TNFRSF10B: variants seen among roughly 807,000 people sequenced by gnomAD.
TNFRSF10B encodes tumor necrosis factor receptor superfamily member 10B.
TNFRSF10B carries 35 observed loss-of-function variants against 41.4 expected under a neutral mutation model. The observed-to-expected ratio is 0.85, with a 90% CI of 0.65 to 1.12. TNFRSF10B has a LOEUF of 1.12. Among genes scored for constraint, TNFRSF10B ranks in the 50% most tolerant of loss-of-function variants. TNFRSF10B has a pLI of 0.00. For synonymous variants in TNFRSF10B, 230 were observed against 215.5 expected (o/e 1.07, Z -0.59); for missense variants, 584 against 552.7 (o/e 1.06, Z -0.57).
rs1372091611 is a variant in TNFRSF10B at position 23,022,114 on chromosome 8, G to T, written c.*557C>A. The T allele has an allele frequency of 2.4e-6, 1 of 423,762 alleles. No homozygotes were observed. Among genetic ancestry groups the T allele is most frequent in the Non-Finnish European group, 4.7e-6 (1 of 214,800 alleles). The allele number at this position is 423,762 out of a possible 1,614,324, so 26.3% of individuals were successfully genotyped here. A position where few individuals can be genotyped will look rare whatever the true frequency, so the allele number is the denominator to read the frequency against. On this transcript the variant is annotated 3_prime_UTR_variant, in exon 9 of 9. Coordinates refer to ENST00000276431, the MANE Select transcript of TNFRSF10B (RefSeq NM_003842.5). ...TATCTAGACAAAATACAAAAAATTA[G>T]CCGGGCGTGGTGGTGCACACCTGTG... is the stretch of plus-strand genomic sequence containing the variant.
At chr8:23,068,584 C>T (rs1049810955) in intron 1 of TNFRSF10B, among the ~76,000 whole-genome samples, 167 bp downstream of exon 1, 2 of 152,132 alleles carry the variant, frequency 1.3e-5, no homozygotes, top group African/African-American at 4.8e-5. Flanking sequence ...CTGCCCAACC[C>T]GGGGACCCAT....
intron 2 of TNFRSF10B, among the ~76,000 whole-genome samples, chr8:23,041,160 G>T (rs892325487): frequency 6.6e-6 from 1 of 151,678 alleles, no homozygotes; most frequent in Admixed American, 6.6e-5. Context: ...CCGGGTTCAA[G>T]CGATTCTCCT....
Position 23,022,856 on chromosome 8 carries a change from C to T in TNFRSF10B, c.1138G>A (p.Asp380Asn). The change falls in exon 9 of 9, where the codon GAC becomes AAC. Residue 380 changes from aspartate (D) to asparagine (N), a missense_variant. Transcript: ENST00000276431. ...VAKAEAAGHRDTLYTMLIKWV... is the reference protein window; with the variant it reads ...VAKAEAAGHRNTLYTMLIKWV... ...TTTATCAGCATCGTGTACAAGGTGTCCCTGTGGCCCGCTGCCTCAGCTTTA... is the reference window on the plus strand; with the variant it reads ...TTTATCAGCATCGTGTACAAGGTGTTCCTGTGGCCCGCTGCCTCAGCTTTA... 1 of 1,614,088 alleles carries T rather than the reference C, an allele frequency of 6.2e-7. No individual in the cohort carries two copies. Among genetic ancestry groups the T allele is most frequent in the Non-Finnish European group, 8.5e-7 (1 of 1,180,018 alleles).
chr8:23,021,017 G>T lies in TNFRSF10B; in HGVS notation c.*1654C>A, dbSNP rs1811501678. 2.2e-6 allele frequency: 1 copy of T among 454,074 alleles called. No homozygotes were observed. Among genetic ancestry groups the T allele is most frequent in the East Asian group, 7.0e-5 (1 of 14,382 alleles). 28.1% of individuals were successfully genotyped at this position (454,074 alleles called of 1,614,324 possible). The stretch of plus-strand genomic sequence containing the variant: ...AACAGTCTGAATGTGTGATCTTCAG[G>T]CAATTCTAACTTTGTCCCACCCAAA... On this transcript the variant is annotated 3_prime_UTR_variant, in exon 9 of 9. Coordinates refer to ENST00000276431, the MANE Select transcript of TNFRSF10B (RefSeq NM_003842.5).
intron 1 of TNFRSF10B, among the ~76,000 whole-genome samples, chr8:23,059,669 G>T (rs1316943445): frequency 2.4e-5 from 3 of 124,256 alleles, no homozygotes; most frequent in Non-Finnish European, 4.9e-5. Flanking sequence ...ACCACGCCGG[G>T]CTAATTTTTT....
intron 2 of TNFRSF10B, among the ~76,000 whole-genome samples, chr8:23,040,773 A>T (rs1237039285): frequency 6.6e-6 from 1 of 152,042 alleles, no homozygotes; most frequent in African/African-American, 2.4e-5. Flanking sequence ...TAGCCACAAG[A>T]TTCCTGAATT....
At chr8:23,061,480 CT>C (rs1812829363) in intron 1 of TNFRSF10B, among the ~76,000 whole-genome samples, 1 of 152,142 alleles carries the variant, frequency 6.6e-6, no homozygotes, top group Non-Finnish European at 1.5e-5. Flanking sequence ...ATCATATCAT[CT>C]GAAAACACAG....
chr8:23,058,825 G>C (rs1239666582), intron 1 of TNFRSF10B, among the ~76,000 whole-genome samples: 3 of 152,048 alleles, frequency 2.0e-5, no homozygotes, highest in African/African-American at 7.2e-5. Flanking sequence ...TCCATTTTAT[G>C]TGTAATTGTT....
chr8:23,022,746 C>T lies in TNFRSF10B; in HGVS notation c.1248G>A (p.Gln416=). 6 of 1,614,072 alleles carry T rather than the reference C, an allele frequency of 3.7e-6. No individual in the cohort carries two copies. The highest frequency in any genetic ancestry group is 5.1e-6 in the Non-Finnish European group (6 of 1,180,010). The change falls in exon 9 of 9, where the codon CAG becomes CAA. Residue 416 remains glutamine, a synonymous_variant. Coordinates refer to ENST00000276431, the MANE Select transcript of TNFRSF10B (RefSeq NM_003842.5). ...LETLGERLAK[Q]KIEDHLLSSG... ...AGCTCAACAAGTGGTCCTCAATCTT[C>T]TGCTTGGCAAGTCTCTCTCCCAGCG...
At chr8:23,052,259 A>G (rs922087128) in intron 1 of TNFRSF10B, among the ~76,000 whole-genome samples, 2 of 151,534 alleles carry the variant, frequency 1.3e-5, no homozygotes, top group Admixed American at 1.3e-4. Flanking sequence ...ATTCTTTCTA[A>G]AGATTGTGTC....
At chr8:23,057,510 G>A (rs1812707961) in intron 1 of TNFRSF10B, among the ~76,000 whole-genome samples, 1 of 146,076 alleles carries the variant, frequency 6.8e-6, no homozygotes, top group African/African-American at 2.6e-5. Flanking sequence ...TCGGCTCACT[G>A]CAACCTCCGC....
At chr8:23,050,458 A>G (rs1216726710) in intron 1 of TNFRSF10B, among the ~76,000 whole-genome samples, 1 of 151,956 alleles carries the variant, frequency 6.6e-6, no homozygotes, top group African/African-American at 2.4e-5. Flanking sequence ...GTATGTGCAT[A>G]TGTGTGTGTG....
intron 1 of TNFRSF10B, among the ~76,000 whole-genome samples, chr8:23,062,549 T>C (rs1812862228): frequency 6.6e-6 from 1 of 152,230 alleles, no homozygotes; most frequent in Non-Finnish European, 1.5e-5. Context: ...GTTTTATTTA[T>C]TTCTCTTCTA....
chr8:23,033,114 A>G (rs1185537223), intron 2 of TNFRSF10B, among the ~76,000 whole-genome samples: 1 of 152,230 alleles, frequency 6.6e-6, no homozygotes, highest in Non-Finnish European at 1.5e-5. Flanking sequence ...GCAACCAAGA[A>G]TTTGATATCC....
chr8:23,026,900 AG>A (rs1811719575), intron 7 of TNFRSF10B, among the ~76,000 whole-genome samples: 1 of 152,100 alleles, frequency 6.6e-6, no homozygotes, highest in Admixed American at 6.6e-5. Context: ...ATGCCTGTGG[AG>A]CTCCAGGCTC....
intron 1 of TNFRSF10B, among the ~76,000 whole-genome samples, chr8:23,066,690 G>A (rs1380587547): frequency 3.9e-5 from 6 of 152,036 alleles, no homozygotes; most frequent in Admixed American, 6.5e-5. Context: ...GGCAGATCAC[G>A]AGCCAGACCA....
intron 5 of TNFRSF10B, 38 bp downstream of exon 5, chr8:23,028,291 CAG>C: frequency 1.2e-6 from 2 of 1,612,636 alleles, no homozygotes; most frequent in East Asian, 2.2e-5. Context: ...GGGGGCAGGG[CAG>C]AGAGTGCCCT....
intron 1 of TNFRSF10B, among the ~76,000 whole-genome samples, chr8:23,064,240 C>CA (rs1296264434): frequency 2.0e-5 from 3 of 152,132 alleles, no homozygotes; most frequent in Non-Finnish European, 4.4e-5. Flanking sequence ...AAAGAGTGCA[C>CA]ACAGACAGAA....
chr8:23,029,583 A>C, intron 4 of TNFRSF10B, 27 bp downstream of exon 4: 1 of 1,586,252 alleles, frequency 6.3e-7, no homozygotes, highest in Non-Finnish European at 8.6e-7. Context: ...CCATGGAGCT[A>C]CTGGGAGCCC....
Sources: gnomAD v4.1 joint callset for allele counts (sites outside exome capture counted in the v4.1 genomes callset) on GRCh38, gnomAD v4.1.1 for gene constraint, MANE v1.5 for transcripts, NCBI Gene and HGNC (gene_info 2026-07-23, HGNC 2026-07-21) for gene names.